POLK: variants seen among roughly 807,000 people sequenced by gnomAD.
The protein encoded by POLK is DNA polymerase kappa.
In POLK, 76 loss-of-function variants were observed where a neutral mutation model predicts 94.0. The observed-to-expected ratio is 0.81, with a 90% CI of 0.67 to 0.98. POLK has a LOEUF of 0.98. Ranked by LOEUF, POLK falls within the 50% of genes least tolerant of loss-of-function variation. The pLI is 0.00. For missense variants in POLK, 954 were observed against 1,010.1 expected, an observed-to-expected ratio of 0.94 and a Z score of 0.75; for synonymous variants, 349 against 325.4, an observed-to-expected ratio of 1.07 and a Z score of -0.78.
intron 5 of POLK, among the ~76,000 whole-genome samples, 154 bp downstream of exon 5, chr5:75,574,023 G>A (rs1252655791): frequency 6.6e-6 from 1 of 152,026 alleles, no homozygotes; most frequent in Non-Finnish European, 1.5e-5. Flanking sequence ...ATTGAATACT[G>A]AGCTGCATAT....
intron 5 of POLK, among the ~76,000 whole-genome samples, chr5:75,576,013 A>T (rs986501590): frequency 6.6e-6 from 1 of 152,114 alleles, no homozygotes; most frequent in African/African-American, 2.4e-5. Context: ...CTAATACTTA[A>T]GTGGTTAGAA....
At chr5:75,596,553 G>A in exon 13 of POLK, 1 of 1,613,870 alleles carries the variant, frequency 6.2e-7, no homozygotes, top group Non-Finnish European at 8.5e-7. Flanking sequence ...ATGACTGTCA[G>A]ATACTTACCT....
chr5:75,604,191 A>G (rs909555053), downstream of POLK, among the ~76,000 whole-genome samples: 8 of 152,182 alleles, frequency 5.3e-5, no homozygotes, highest in Admixed American at 4.6e-4. Context: ...GAAAGAGACA[A>G]TTGCATTTAT....
intron 2 of POLK, among the ~76,000 whole-genome samples, chr5:75,551,788 A>G (rs1357851175): frequency 1.3e-5 from 2 of 152,226 alleles, no homozygotes; most frequent in Non-Finnish European, 2.9e-5. Context: ...TGGTTCAACC[A>G]CTTTGGAAAA....
intron 1 of POLK, among the ~76,000 whole-genome samples, chr5:75,531,795 A>C (rs1769195583): frequency 6.6e-6 from 1 of 152,124 alleles, no homozygotes; most frequent in Non-Finnish European, 1.5e-5. Context: ...CTGTCTCAAA[A>C]AAAAAAATAA....
At chr5:75,550,676 A>T (rs1195960967) in intron 2 of POLK, among the ~76,000 whole-genome samples, 1 of 152,188 alleles carries the variant, frequency 6.6e-6, no homozygotes, top group Non-Finnish European at 1.5e-5. Context: ...ATCTTAGTAG[A>T]CTCAGAAAAA....
At chr5:75,603,154 T>C (rs1773335400), downstream of POLK, among the ~76,000 whole-genome samples, 1 of 152,188 alleles carries the variant, frequency 6.6e-6, no homozygotes, top group South Asian at 2.1e-4. Context: ...TTAACAAATG[T>C]ATTTGTTTAC....
At chr5:75,514,578 A>G (rs899058285) in intron 1 of POLK, among the ~76,000 whole-genome samples, 2 of 152,244 alleles carry the variant, frequency 1.3e-5, no homozygotes, top group Non-Finnish European at 1.5e-5. Context: ...CTTACTTTAC[A>G]TATGAGGAAA....
intron 12 of POLK, among the ~76,000 whole-genome samples, chr5:75,594,704 C>G (rs2112885132): frequency 6.6e-6 from 1 of 152,306 alleles, no homozygotes; most frequent in Non-Finnish European, 1.5e-5. Context: ...TCAGGTATCA[C>G]TTGTTGCTTA....
intron 1 of POLK, among the ~76,000 whole-genome samples, chr5:75,540,689 T>C (rs1769694581): frequency 6.6e-6 from 1 of 152,192 alleles, no homozygotes; most frequent in Non-Finnish European, 1.5e-5. Flanking sequence ...GTTTTCTCGT[T>C]TTCTAAGGAC....
At chr5:75,601,182 T>A (rs982496772), downstream of POLK, 1 of 152,186 alleles carries the variant, frequency 6.6e-6, no homozygotes, top group Non-Finnish European at 1.5e-5. Flanking sequence ...CCTCCAACTC[T>A]GCAGGCTAGC....
At chr5:75,546,595 A>G (rs1444143912) in intron 1 of POLK, among the ~76,000 whole-genome samples, 5 of 151,844 alleles carry the variant, frequency 3.3e-5, no homozygotes, top group Non-Finnish European at 5.9e-5. Flanking sequence ...TGCATAACGG[A>G]TGTACATGGT....
chr5:75,519,397 G>T (rs1397134142), intron 1 of POLK, among the ~76,000 whole-genome samples: 1 of 152,088 alleles, frequency 6.6e-6, no homozygotes, highest in Non-Finnish European at 1.5e-5. Context: ...TGTCAATTAG[G>T]CCTATTTGGT....
At chr5:75,561,927 A>G (rs540799736) in intron 3 of POLK, among the ~76,000 whole-genome samples, 1 of 152,260 alleles carries the variant, frequency 6.6e-6, no homozygotes, top group African/African-American at 2.4e-5. Context: ...GTATAGTTTG[A>G]AGCCAGGTAG....
chr5:75,515,100 G>A (rs545212736), intron 1 of POLK, among the ~76,000 whole-genome samples: 4 of 152,040 alleles, frequency 2.6e-5, no homozygotes, highest in East Asian at 3.9e-4. Context: ...TTCCAATTAC[G>A]CATAAATAAT....
chr5:75,523,407 A>T (rs1768681132), intron 1 of POLK, among the ~76,000 whole-genome samples: 1 of 152,232 alleles, frequency 6.6e-6, no homozygotes, highest in Non-Finnish European at 1.5e-5. Context: ...AGAATTATCA[A>T]GGACCAAAGT....
chr5:75,553,389 A>G (rs1474349170), intron 3 of POLK, among the ~76,000 whole-genome samples: 2 of 152,040 alleles, frequency 1.3e-5, no homozygotes, highest in East Asian at 1.9e-4. Flanking sequence ...TTAATCTAAT[A>G]TGCTACAAAA....
In POLK at chr5:75,520,989, A is replaced by G. The variant is rs140340928; in HGVS notation, c.-14+9075A>G. ...CCATTGTGGAGTCTGTTGCCAAACA[A>G]ATTGAAGCTCCTTTATATGTTATTT... On this transcript the variant is annotated intron_variant, in intron 1 of 14. Coordinates refer to ENST00000241436, the Ensembl canonical transcript of POLK. Among the ~76,000 whole-genome samples the G allele has an allele frequency of 2.1e-3, 315 of 151,220 alleles. 1 individual carries two copies. In the East Asian group the frequency reaches 0.028, roughly 13 times the overall value.
intron 3 of POLK, among the ~76,000 whole-genome samples, chr5:75,556,584 A>C (rs892413507): frequency 5.9e-5 from 9 of 152,182 alleles, no homozygotes; most frequent in African/African-American, 7.2e-5. Context: ...AATAGTCATC[A>C]TCAAATCCAA....
Sources: gnomAD v4.1 joint callset for allele counts (sites outside exome capture counted in the v4.1 genomes callset) on GRCh38, gnomAD v4.1.1 for gene constraint, MANE v1.5 for transcripts, NCBI Gene and HGNC (gene_info 2026-07-23, HGNC 2026-07-21) for gene names.